DDO: variants seen among roughly 807,000 people sequenced by gnomAD.
The protein encoded by DDO is D-aspartate oxidase.
DDO carries 16 observed loss-of-function variants against 16.8 expected under a neutral mutation model. The ratio of observed to expected loss-of-function variants is 0.95; its 90% CI spans 0.65 to 1.45. The LOEUF (loss-of-function observed/expected upper bound fraction) is 1.45. DDO is among the 40% of genes most tolerant of loss of function. The probability of loss-of-function intolerance (pLI) is 0.00; values close to 1 mark genes in which losing one functional copy is unlikely to be tolerated. For synonymous variants in DDO, 180 were observed against 167.2 expected (o/e 1.08, Z -0.59); for missense variants, 429 against 420.3 (o/e 1.02, Z -0.18).
chr6:110,414,904 C>T (rs754742868), intron 1 of DDO, among the ~76,000 whole-genome samples: 5 of 152,256 alleles, frequency 3.3e-5, no homozygotes, highest in Admixed American at 6.5e-5. Flanking sequence ...TCAGCAAGGG[C>T]TGTTGGCAGG....
At position 110,392,584 on chromosome 6, in the gene DDO, C is replaced by T; in HGVS notation, c.*191G>A. The T allele has an allele frequency of 1.3e-5, 16 of 1,250,928 alleles. No homozygotes were observed. The highest frequency in any genetic ancestry group is 1.6e-5 in the Non-Finnish European group (16 of 999,402). The allele number at this position is 1,250,928 out of a possible 1,614,324, so 77.5% of individuals were successfully genotyped here. On this transcript the variant is annotated 3_prime_UTR_variant, in exon 5 of 5. Coordinates refer to ENST00000368924, the MANE Select transcript of DDO (RefSeq NM_001372108.2). The stretch of plus-strand genomic sequence containing the variant: ...ACTCAAACTCCTGGGCTCAACAATC[C>T]TCCTGCCTCAGCCTCTCAAGTAGCT...
chr6:110,415,549 C>T lies in DDO; in HGVS notation c.-87G>A. Reference sequence around the variant, plus strand: ...TCCCAGTGCCTGGCTGGTCTCATGCCCTGAGAGACAGAGAGAAAGCGAAAC... The same window carrying T: ...TCCCAGTGCCTGGCTGGTCTCATGCTCTGAGAGACAGAGAGAAAGCGAAAC... On this transcript the variant is annotated 5_prime_UTR_variant, in exon 1 of 5. Transcript: ENST00000368924. 1 of 1,614,026 alleles carries T rather than the reference C, an allele frequency of 6.2e-7. No homozygotes were observed. Among genetic ancestry groups the T allele is most frequent in the Non-Finnish European group, 8.5e-7 (1 of 1,179,966 alleles).
chr6:110,402,231 G>A (rs913884097), intron 4 of DDO, among the ~76,000 whole-genome samples: 1 of 152,202 alleles, frequency 6.6e-6, no homozygotes, highest in Non-Finnish European at 1.5e-5. Context: ...ATATTTACAT[G>A]TGGACATTAT....
chr6:110,406,331 C>T (rs1315714410), intron 3 of DDO, among the ~76,000 whole-genome samples: 1 of 152,118 alleles, frequency 6.6e-6, no homozygotes, highest in Non-Finnish European at 1.5e-5. Flanking sequence ...CCCAATCCTA[C>T]CTAACTCAGA....
At position 110,392,850 on chromosome 6, in the gene DDO, A is replaced by AGT. The variant is rs1773145835; in HGVS notation, c.949_950dup (p.Ala318LeufsTer9). ...TCACCAGCCTGGCGGCCTCCAGAGC[A>AGT]GTGCCCCAGTGCACTGAGATGCCCC... On this transcript the variant is annotated frameshift_variant, in exon 5 of 5. Transcript: ENST00000368924. LOFTEE classifies it high-confidence loss of function. The AGT allele has an allele frequency of 1.2e-6, 2 of 1,613,772 alleles. No homozygotes were observed. Among genetic ancestry groups the AGT allele is most frequent in the South Asian group, 2.2e-5 (2 of 91,044 alleles).
rs148703328 is a variant in DDO, at chr6:110,414,960, T to C, written c.-5+507A>G. ...TAGTGGCCTCTGCTTTCTCTTCCAG[T>C]TCTGAAGATTCTCGCACTATGAGAC... On this transcript the variant is annotated intron_variant, in intron 1 of 4. Transcript: ENST00000368924. Among the ~76,000 whole-genome samples, 395 of 152,258 alleles carry C rather than the reference T, an allele frequency of 2.6e-3. 1 individual carries two copies. Among genetic ancestry groups the C allele is most frequent in the African/African-American group, 9.1e-3 (378 of 41,574 alleles).
intron 2 of DDO, among the ~76,000 whole-genome samples, chr6:110,409,944 G>A (rs1401493653): frequency 2.6e-5 from 4 of 152,246 alleles, no homozygotes; most frequent in African/African-American, 4.8e-5. Flanking sequence ...TTCAAGTCCT[G>A]GTAAAACAGA....
chr6:110,398,936 T>A lies in DDO; in HGVS notation c.459-5594A>T, dbSNP rs562068081. 3.9e-5 allele frequency among the ~76,000 whole-genome samples: 6 copies of A among 152,248 alleles called. No individual in the cohort carries two copies. In the South Asian group the frequency reaches 1.2e-3, roughly 32 times the overall value. The stretch of plus-strand genomic sequence containing the variant: ...CATGTTACAGGGCCCAGCACAGAAA[T>A]GGGCCACCCAGTTTCCTGAATGTTG... On this transcript the variant is annotated intron_variant, in intron 4 of 4. Coordinates refer to ENST00000368924, the MANE Select transcript of DDO (RefSeq NM_001372108.2).
intron 1 of DDO, 25 bp from the exon 2 acceptor site, chr6:110,413,491 T>C: frequency 1.9e-6 from 3 of 1,601,388 alleles, no homozygotes; most frequent in African/African-American, 2.7e-5. Context: ...ATGGGAGCTA[T>C]ACCCCTTGTT....
chr6:110,410,811 C>A (rs1773830147), intron 2 of DDO, among the ~76,000 whole-genome samples: 2 of 152,134 alleles, frequency 1.3e-5, no homozygotes, highest in Admixed American at 1.3e-4. Flanking sequence ...CAAACTATAT[C>A]AGCTGGCATC....
intron 4 of DDO, among the ~76,000 whole-genome samples, chr6:110,398,412 AC>A (rs61413633): frequency 0.034 from 5,159 of 149,786 alleles, 265 homozygotes; most frequent in African/African-American, 0.12. Flanking sequence ...ACACACACAC[AC>A]ACACACACAC....
At chr6:110,411,939 C>T (rs367820478) in intron 2 of DDO, among the ~76,000 whole-genome samples, 8 of 152,086 alleles carry the variant, frequency 5.3e-5, no homozygotes, top group Non-Finnish European at 7.4e-5. Context: ...AAGGAAAGGA[C>T]GCATGGACAT....
At chr6:110,403,407 G>A (rs2114825707) in intron 4 of DDO, among the ~76,000 whole-genome samples, 1 of 152,220 alleles carries the variant, frequency 6.6e-6, no homozygotes, top group Admixed American at 6.5e-5. Flanking sequence ...TTGCCACTCA[G>A]GAAAGATGGT....
chr6:110,412,110 G>A (rs889413982), intron 2 of DDO, among the ~76,000 whole-genome samples: 1 of 152,138 alleles, frequency 6.6e-6, no homozygotes, highest in Admixed American at 6.5e-5. Flanking sequence ...GCCGGGCGTG[G>A]TGGCTCATGC....
At chr6:110,412,696 T>C (rs1469713969) in intron 2 of DDO, among the ~76,000 whole-genome samples, 1 of 152,218 alleles carries the variant, frequency 6.6e-6, no homozygotes, top group African/African-American at 2.4e-5. Flanking sequence ...CTCCATCGGC[T>C]TAGGTCCCTG....
chr6:110,397,375 T>C (rs181798869), intron 4 of DDO, among the ~76,000 whole-genome samples: 131 of 152,352 alleles, frequency 8.6e-4, no homozygotes, highest in Admixed American at 8.5e-3. Flanking sequence ...ATTATTTGAA[T>C]ATTATTTTGA....
rs142158644 is a variant in DDO at position 110,404,958 on chromosome 6, G to A, written c.282-8C>T. On this transcript the variant is annotated splice_region_variant and splice_polypyrimidine_tract_variant and intron_variant, in intron 3 of 4. Transcript: ENST00000368924. The stretch of plus-strand genomic sequence containing the variant: ...CTCTGAAATATCTGCCAACTCAAAC[G>A]TATTAAGTGAACATTTTTTCCTGAA... 459 of 1,608,900 alleles carry A rather than the reference G, an allele frequency of 2.9e-4. 1 individual carries two copies. The African/African-American group carries it at 5.2e-3, about 18-fold the overall frequency.
intron 2 of DDO, among the ~76,000 whole-genome samples, chr6:110,410,946 A>C (rs867635496): frequency 6.6e-6 from 1 of 152,166 alleles, no homozygotes; most frequent in African/African-American, 2.4e-5. Flanking sequence ...AGATATGTCT[A>C]TTCTTTCTTA....
Position 110,393,354 on chromosome 6 carries a change from A to G in DDO, c.459-12T>C, listed in dbSNP as rs1258106791. ...CACTTCCCTTTATCCTACGGAAGAG[A>G]GGCCATGAAGTGAATATTTGTTAGC... On this transcript the variant is annotated splice_polypyrimidine_tract_variant and intron_variant, in intron 4 of 4. Coordinates refer to ENST00000368924, the MANE Select transcript of DDO (RefSeq NM_001372108.2). 6.4e-7 allele frequency: 1 copy of G among 1,561,614 alleles called. No homozygotes were observed. The highest frequency in any genetic ancestry group is 2.3e-5 in the East Asian group (1 of 44,128).
Sources: allele counts gnomAD v4.1 joint callset (sites outside exome capture counted in the v4.1 genomes callset), GRCh38; gene constraint gnomAD v4.1.1; transcripts MANE v1.5; gene names NCBI Gene and HGNC (gene_info 2026-07-23, HGNC 2026-07-21).